ADGRV1: variants seen among roughly 807,000 people sequenced by gnomAD.
The protein encoded by ADGRV1 is adhesion G protein-coupled receptor V1.
ADGRV1 carries 359 observed loss-of-function variants against 596.2 expected under a neutral mutation model. The observed-to-expected ratio is 0.60, with a 90% CI of 0.55 to 0.66. The LOEUF is 0.66. Among genes scored for constraint, ADGRV1 ranks in the 30% least tolerant of loss-of-function variants. The probability of loss-of-function intolerance (pLI) is 0.00; values close to 1 mark genes in which losing one functional copy is unlikely to be tolerated. For synonymous variants in ADGRV1, 2,681 were observed against 2,679.2 expected (o/e 1.00, Z -0.02); for missense variants, 7,274 against 7,575.6 (o/e 0.96, Z 1.48).
At chr5:90,818,493 A>G (rs1005685593) in intron 75 of ADGRV1, among the ~76,000 whole-genome samples, 5 of 150,050 alleles carry the variant, frequency 3.3e-5, no homozygotes, top group African/African-American at 9.8e-5. Flanking sequence ...GTCTTGTGCC[A>G]GTTTTCAAAG....
intron 1 of ADGRV1, among the ~76,000 whole-genome samples, chr5:90,611,823 A>G (rs1316439309): frequency 6.6e-6 from 1 of 151,946 alleles, no homozygotes; most frequent in Non-Finnish European, 1.5e-5. Flanking sequence ...AATTCCAAAG[A>G]CTAGATTTTT....
chr5:90,810,212 A>G (rs892051914), intron 73 of ADGRV1, 21 bp from the exon 74 acceptor site: 11 of 1,512,388 alleles, frequency 7.3e-6, no homozygotes, highest in Non-Finnish European at 8.0e-6. Flanking sequence ...CAATTTCTTC[A>G]TGATTTAATT....
chr5:90,617,735 A>G (rs1763549421), intron 2 of ADGRV1, 69 bp from the exon 3 acceptor site: 3 of 1,275,688 alleles, frequency 2.4e-6, no homozygotes, highest in Non-Finnish European at 3.3e-6. Flanking sequence ...TGATTGCTGT[A>G]ATTAACATCA....
chr5:91,143,479 C>G (rs146926799), intron 87 of ADGRV1, among the ~76,000 whole-genome samples: 1 of 152,150 alleles, frequency 6.6e-6, no homozygotes, highest in African/African-American at 2.4e-5. Flanking sequence ...TGCTCCTCTC[C>G]GCAGCTGGTC....
At chr5:90,643,687 G>T (rs1418071533) in intron 13 of ADGRV1, 116 bp from the exon 14 acceptor site, 5 of 706,702 alleles carry the variant, frequency 7.1e-6, no homozygotes, top group African/African-American at 5.4e-5. Context: ...TGTCCTTTCA[G>T]TGAGTTATAT....
At chr5:90,763,502 C>T (rs923833172) in intron 59 of ADGRV1, 33 bp downstream of exon 59, 2 of 1,570,176 alleles carry the variant, frequency 1.3e-6, no homozygotes, top group African/African-American at 1.4e-5. Flanking sequence ...TGTAATTTTT[C>T]CCCAATTTGT....
intron 83 of ADGRV1, among the ~76,000 whole-genome samples, chr5:90,914,092 T>A (rs899030615): frequency 1.3e-5 from 2 of 152,142 alleles, no homozygotes; most frequent in Non-Finnish European, 2.9e-5. Context: ...ATATCCCTTA[T>A]CCAAAATGCT....
intron 17 of ADGRV1, 38 bp downstream of exon 17, chr5:90,647,802 A>G: frequency 1.9e-6 from 3 of 1,574,112 alleles, no homozygotes; most frequent in Non-Finnish European, 2.6e-6. Context: ...GATCTGCCTC[A>G]GTGCTTTAAT....
At chr5:90,629,825 A>G (rs1765264327) in intron 9 of ADGRV1, 1 of 236,278 alleles carries the variant, frequency 4.2e-6, no homozygotes, top group African/African-American at 2.2e-5. Flanking sequence ...CATGGATGAC[A>G]TAGTAGAGTA....
chr5:91,042,896 T>A (rs577176366), intron 85 of ADGRV1, among the ~76,000 whole-genome samples: 1 of 152,088 alleles, frequency 6.6e-6, no homozygotes, highest in Admixed American at 6.6e-5. Flanking sequence ...TGGCTTCAAC[T>A]CTTTATTGAG....
chr5:90,984,111 C>T (rs898415808), intron 84 of ADGRV1, among the ~76,000 whole-genome samples: 1 of 152,128 alleles, frequency 6.6e-6, no homozygotes, highest in Non-Finnish European at 1.5e-5. Context: ...TTATAATAAC[C>T]TTGTTGTATA....
At chr5:90,821,496 G>A (rs1464169553) in intron 75 of ADGRV1, among the ~76,000 whole-genome samples, 2,106 of 150,902 alleles carry the variant, frequency 0.014, 14 homozygotes, top group Middle Eastern at 0.053. Flanking sequence ...GGCGCTCTGC[G>A]TTTTAGAGTT....
intron 84 of ADGRV1, among the ~76,000 whole-genome samples, chr5:90,975,489 G>T (rs530857513): frequency 6.6e-6 from 1 of 152,268 alleles, no homozygotes; most frequent in African/African-American, 2.4e-5. Context: ...AAGAAAATGT[G>T]GCACATATAC....
intron 64 of ADGRV1, chr5:90,781,031 A>G (rs760394923): frequency 4.9e-6 from 1 of 203,782 alleles, no homozygotes; most frequent in Non-Finnish European, 1.0e-5. Context: ...CTAACACTGT[A>G]AATCTCAAGG....
chr5:90,625,316 G>A, intron 6 of ADGRV1, 73 bp downstream of exon 6: 3 of 917,596 alleles, frequency 3.3e-6, no homozygotes, highest in Non-Finnish European at 5.2e-6. Flanking sequence ...TAAACTTAGT[G>A]TATTGTGGCC....
intron 63 of ADGRV1, 108 bp downstream of exon 63, chr5:90,778,717 A>C: frequency 9.4e-7 from 1 of 1,069,076 alleles, no homozygotes; most frequent in Non-Finnish European, 1.3e-6. Flanking sequence ...TTTGCTCCAA[A>C]CATCATTATT....
intron 50 of ADGRV1, among the ~76,000 whole-genome samples, chr5:90,743,392 A>G (rs1240192758): frequency 6.6e-6 from 1 of 151,532 alleles, no homozygotes; most frequent in Non-Finnish European, 1.5e-5. Context: ...GTTGTAACCT[A>G]TGGGCTAAAA....
chr5:90,734,580 T>G (rs1267555011), intron 50 of ADGRV1, among the ~76,000 whole-genome samples: 3 of 120,852 alleles, frequency 2.5e-5, no homozygotes, highest in Non-Finnish European at 3.4e-5. Flanking sequence ...GTCTTTAGCC[T>G]ATTTTTTTTT....
At chr5:90,729,997 C>T (rs1485397927) in intron 50 of ADGRV1, among the ~76,000 whole-genome samples, 1 of 152,084 alleles carries the variant, frequency 6.6e-6, no homozygotes, top group Non-Finnish European at 1.5e-5. Flanking sequence ...TCCCCAGTAG[C>T]TGGGACTACA....
Sources: gnomAD v4.1 joint callset for allele counts (sites outside exome capture counted in the v4.1 genomes callset) on GRCh38, gnomAD v4.1.1 for gene constraint, MANE v1.5 for transcripts, NCBI Gene and HGNC (gene_info 2026-07-23, HGNC 2026-07-21) for gene names.